Variants in EHBP1 observed in about 807,000 individuals in gnomAD.
EHBP1 encodes the protein EH domain binding protein 1.
Under a neutral mutation model 144.0 loss-of-function variants are expected in EHBP1, and 55 were observed. The observed-to-expected ratio is 0.38, with a 90% CI of 0.31 to 0.48. EHBP1 has a LOEUF of 0.48. EHBP1 is among the 20% of genes least tolerant of loss of function. EHBP1 has a pLI of 0.98. For missense variants in EHBP1, 1,200 were observed against 1,364.2 expected (o/e 0.88, Z 1.90); for synonymous variants, 469 against 472.7 (o/e 0.99, Z 0.10).
At chr2:62,905,676 T>C (rs1290107376) in intron 10 of EHBP1, among the ~76,000 whole-genome samples, 2 of 151,484 alleles carry the variant, frequency 1.3e-5, no homozygotes, top group Non-Finnish European at 2.9e-5. Flanking sequence ...ATACAAAAAT[T>C]AGCCAGGCGT....
Position 62,859,269 on chromosome 2 carries a change from A to G in EHBP1, c.735A>G (p.Pro245=). ...ATCCTGATGCTGCAGAATTAAATCC[A>G]TTTGGAGATCCTGACTCAGAAGGTA... The part of the protein sequence containing the change: ...FDDPDAAELN[P]FGDPDSEEPI... The change falls in exon 8 of 23, where the codon CCA becomes CCG. Residue 245 remains proline, a synonymous_variant. Coordinates refer to ENST00000431489, the MANE Select transcript of EHBP1 (RefSeq NM_001142616.3). The G allele has an allele frequency of 1.2e-6, 2 of 1,606,744 alleles. No individual in the cohort carries two copies. Among genetic ancestry groups the G allele is most frequent in the Non-Finnish European group, 1.7e-6 (2 of 1,174,986 alleles).
intron 2 of EHBP1, among the ~76,000 whole-genome samples, chr2:62,708,782 G>A (rs556364645): frequency 6.6e-6 from 1 of 152,132 alleles, no homozygotes; most frequent in Non-Finnish European, 1.5e-5. Context: ...GGGAGAAGAC[G>A]TAAAAGACAT....
intron 10 of EHBP1, among the ~76,000 whole-genome samples, chr2:62,877,603 C>T (rs1011109120): frequency 6.6e-6 from 1 of 152,200 alleles, no homozygotes; most frequent in African/African-American, 2.4e-5. Context: ...AGTCATAACA[C>T]AATTCTCAAA....
intron 5 of EHBP1, among the ~76,000 whole-genome samples, chr2:62,786,454 G>A (rs978371554): frequency 1.3e-5 from 2 of 152,206 alleles, no homozygotes; most frequent in Admixed American, 6.5e-5. Flanking sequence ...CAAACCTGCC[G>A]TGGTTCAAAG....
At chr2:62,813,921 A>G (rs1319410894) in intron 5 of EHBP1, among the ~76,000 whole-genome samples, 7 of 152,206 alleles carry the variant, frequency 4.6e-5, no homozygotes, top group African/African-American at 1.7e-4. Context: ...TTTGCCTTAT[A>G]GTGAATCATG....
intron 7 of EHBP1, among the ~76,000 whole-genome samples, chr2:62,844,046 T>C (rs914513115): frequency 1.3e-5 from 2 of 152,206 alleles, no homozygotes; most frequent in Non-Finnish European, 2.9e-5. Flanking sequence ...AAAAATTATA[T>C]TGAATGTATT....
At chr2:62,862,773 T>C (rs1382660597) in intron 8 of EHBP1, among the ~76,000 whole-genome samples, 2 of 152,238 alleles carry the variant, frequency 1.3e-5, no homozygotes, top group Non-Finnish European at 2.9e-5. Context: ...TAGCATTGCA[T>C]AGCATAATTA....
intron 19 of EHBP1, among the ~76,000 whole-genome samples, chr2:63,016,110 A>G (rs543385350): frequency 6.6e-6 from 1 of 152,320 alleles, no homozygotes; most frequent in Admixed American, 6.5e-5. Flanking sequence ...ACCAGAAAAA[A>G]TGATACTTTA....
intron 10 of EHBP1, among the ~76,000 whole-genome samples, chr2:62,911,700 G>C (rs886969400): frequency 1.3e-5 from 2 of 152,188 alleles, no homozygotes; most frequent in Non-Finnish European, 2.9e-5. Context: ...GACTTCAGGT[G>C]ATCTGCCCAC....
chr2:62,773,872 A>AAAAAAAAAAAAAAG (rs1344501863), intron 5 of EHBP1, among the ~76,000 whole-genome samples: 1 of 146,208 alleles, frequency 6.8e-6, no homozygotes, highest in Non-Finnish European at 1.5e-5. Context: ...AAAAAAAAAA[A>AAAAAAAAAAAAAAG]AAAAAAAAAA....
At chr2:63,036,556 A>G (rs1435528306) in intron 19 of EHBP1, among the ~76,000 whole-genome samples, 2 of 152,116 alleles carry the variant, frequency 1.3e-5, no homozygotes, top group East Asian at 1.9e-4. Flanking sequence ...GCCATACAGA[A>G]GTTAGACTGA....
At chr2:62,987,978 G>T in intron 15 of EHBP1, 1 of 1,607,928 alleles carries the variant, frequency 6.2e-7, no homozygotes, top group Non-Finnish European at 8.5e-7. Context: ...GATCCCTGAA[G>T]GCTTTGTTGT....
At chr2:62,731,914 A>T (rs2037636634) in intron 2 of EHBP1, among the ~76,000 whole-genome samples, 1 of 152,074 alleles carries the variant, frequency 6.6e-6, no homozygotes, top group Non-Finnish European at 1.5e-5. Context: ...TTGGTGATAA[A>T]TTTTTTTAAC....
intron 19 of EHBP1, among the ~76,000 whole-genome samples, chr2:63,013,375 TCA>T (rs2060349501): frequency 1.3e-5 from 2 of 152,184 alleles, no homozygotes; most frequent in Non-Finnish European, 2.9e-5. Flanking sequence ...GCATTAAGAT[TCA>T]CACACAGTCC....
intron 5 of EHBP1, among the ~76,000 whole-genome samples, chr2:62,793,639 A>G (rs556498826): frequency 6.6e-6 from 1 of 152,230 alleles, no homozygotes; most frequent in Admixed American, 6.5e-5. Flanking sequence ...AATTTGGTGG[A>G]ATGGTCTTAT....
At chr2:62,894,407 A>T (rs544019085) in intron 10 of EHBP1, among the ~76,000 whole-genome samples, 14 of 152,298 alleles carry the variant, frequency 9.2e-5, no homozygotes, top group South Asian at 2.1e-4. Context: ...AGAGAGAGAG[A>T]GAGTGAATGT....
At chr2:62,848,298 G>T (rs1335309780) in intron 7 of EHBP1, among the ~76,000 whole-genome samples, 2 of 151,860 alleles carry the variant, frequency 1.3e-5, no homozygotes, top group Non-Finnish European at 2.9e-5. Context: ...GGCCAGTCTG[G>T]CCTCGAACTC....
At chr2:62,920,722 A>T (rs533958587) in intron 10 of EHBP1, among the ~76,000 whole-genome samples, 2 of 151,952 alleles carry the variant, frequency 1.3e-5, no homozygotes, top group Admixed American at 1.3e-4. Context: ...GAGTGCAATG[A>T]CGTGATTTCT....
intron 5 of EHBP1, among the ~76,000 whole-genome samples, chr2:62,807,425 G>A (rs1275360112): frequency 6.6e-6 from 1 of 152,176 alleles, no homozygotes; most frequent in East Asian, 1.9e-4. Context: ...GCACATGCCT[G>A]TAATCCCAGC....
Sources: gnomAD v4.1 joint callset for allele counts (sites outside exome capture counted in the v4.1 genomes callset) on GRCh38, gnomAD v4.1.1 for gene constraint, MANE v1.5 for transcripts, NCBI Gene and HGNC (gene_info 2026-07-23, HGNC 2026-07-21) for gene names.